The following CCDC62 variants were observed in gnomAD, a reference collection of about 807,000 sequenced individuals.
CCDC62 encodes the protein coiled-coil domain containing 62.
A neutral mutation model predicts 80.8 loss-of-function variants in CCDC62; 72 were observed. That is an observed-to-expected ratio of 0.89 (90% confidence interval 0.74 to 1.08). CCDC62 has a LOEUF of 1.08. CCDC62 is among the 50% of genes least tolerant of loss of function. The probability of loss-of-function intolerance (pLI) is 0.00; values close to 1 mark genes in which losing one functional copy is unlikely to be tolerated. For synonymous variants in CCDC62, 286 were observed against 296.5 expected (o/e 0.96, Z 0.36); for missense variants, 704 against 809.4 (o/e 0.87, Z 1.58).
chr12:122,817,139 C>G (rs965027525), intron 11 of CCDC62, among the ~76,000 whole-genome samples: 5 of 151,792 alleles, frequency 3.3e-5, no homozygotes, highest in African/African-American at 1.2e-4. Flanking sequence ...GCAAGCTCCA[C>G]CTTCCGGGTT....
intron 11 of CCDC62, among the ~76,000 whole-genome samples, chr12:122,819,381 C>T (rs1390196745): frequency 2.6e-5 from 4 of 152,174 alleles, no homozygotes; most frequent in Non-Finnish European, 4.4e-5. Context: ...CACTCTCCCA[C>T]GTTGCCAGGG....
At chr12:122,804,718 GT>G (rs900214045) in intron 9 of CCDC62, among the ~76,000 whole-genome samples, 48 of 148,296 alleles carry the variant, frequency 3.2e-4, no homozygotes, top group African/African-American at 1.0e-3. Context: ...ATTCCATGTT[GT>G]TTTTTTTTTC....
chr12:122,786,437 C>T (rs377017346), intron 4 of CCDC62, among the ~76,000 whole-genome samples: 28 of 147,746 alleles, frequency 1.9e-4, no homozygotes, highest in African/African-American at 6.5e-4. Flanking sequence ...CGTGAGCCAC[C>T]GCGCTCAGCC....
rs77214732 is a variant in CCDC62 at position 122,820,205 on chromosome 12, C to T, written c.2002-3161C>T. ...GGGATGAGGCAGAAGCGGGACTTCT[C>T]AGTTTATACCTGTTTTTATTATTTT... On this transcript the variant is annotated intron_variant, in intron 11 of 12. Coordinates refer to ENST00000253079, the MANE Select transcript of CCDC62 (RefSeq NM_201435.5). Among the ~76,000 whole-genome samples, 303 of 152,078 alleles carry T rather than the reference C, an allele frequency of 2.0e-3. 3 individuals carry two copies. Among genetic ancestry groups the T allele is most frequent in the African/African-American group, 7.2e-3 (299 of 41,518 alleles).
chr12:122,787,048 C>A (rs1195667435), intron 4 of CCDC62, among the ~76,000 whole-genome samples: 3 of 152,172 alleles, frequency 2.0e-5, no homozygotes, highest in Non-Finnish European at 4.4e-5. Context: ...GCTTCAACAA[C>A]CTCTCTGGTT....
At chr12:122,779,540 C>T (rs2135527147) in intron 2 of CCDC62, among the ~76,000 whole-genome samples, 1 of 152,302 alleles carries the variant, frequency 6.6e-6, no homozygotes, top group East Asian at 1.9e-4. Context: ...GGCGATGCCA[C>T]TGCCGCTGCT....
At chr12:122,789,389 G>A (rs935199470) in intron 5 of CCDC62, among the ~76,000 whole-genome samples, 2 of 152,210 alleles carry the variant, frequency 1.3e-5, no homozygotes, top group African/African-American at 4.8e-5. Flanking sequence ...TCTTCCCATG[G>A]TGAGGGCAGA....
rs146366007 is a variant in CCDC62, at chr12:122,818,539, G to A, written c.2002-4827G>A. ...CTTGGGAGGTTGAGGGGGGAGGATC[G>A]CTTGAGCATGAGGTCAAGGCTACAG... On this transcript the variant is annotated intron_variant, in intron 11 of 12. Coordinates refer to ENST00000253079, the MANE Select transcript of CCDC62 (RefSeq NM_201435.5). Among the ~76,000 whole-genome samples the A allele has an allele frequency of 4.2e-4, 64 of 151,850 alleles. 1 individual carries two copies. The East Asian group carries it at 8.3e-3, about 20-fold the overall frequency.
intron 9 of CCDC62, among the ~76,000 whole-genome samples, chr12:122,805,607 C>T (rs1396413597): frequency 1.1e-4 from 16 of 149,126 alleles, no homozygotes; most frequent in Non-Finnish European, 1.6e-4. Context: ...CTCTGCCTCC[C>T]GGGTTCACGC....
At chr12:122,809,360 C>T (rs559469079) in intron 10 of CCDC62, among the ~76,000 whole-genome samples, 7 of 152,102 alleles carry the variant, frequency 4.6e-5, no homozygotes, top group African/African-American at 7.2e-5. Context: ...TGTTGTAGCT[C>T]GTGCCTGTGG....
At chr12:122,820,840 CAAAA>C (rs35113362) in intron 11 of CCDC62, among the ~76,000 whole-genome samples, 32 of 129,760 alleles carry the variant, frequency 2.5e-4, no homozygotes, top group East Asian at 6.7e-4. Context: ...GACTCTGTCT[CAAAA>C]AAAAAAAAAA....
chr12:122,785,188 T>C (rs188023985), intron 3 of CCDC62, among the ~76,000 whole-genome samples: 2 of 152,314 alleles, frequency 1.3e-5, no homozygotes, highest in African/African-American at 2.4e-5. Flanking sequence ...AGTAAATAGA[T>C]TGTATACATA....
rs1566072717 is a variant in CCDC62 at position 122,788,988 on chromosome 12, A to G, written c.670+59A>G. ...TATTATCTTGGGAATATAGTTTTTC[A>G]TCTGGGTTCACTTAATCTTATGCTT... On this transcript the variant is annotated intron_variant, in intron 5 of 12. Transcript: ENST00000253079. The G allele has an allele frequency of 2.2e-6, 3 of 1,341,160 alleles. No homozygotes were observed. In the Admixed American group the frequency reaches 8.2e-5, roughly 37 times the overall value. The allele number at this position is 1,341,160 out of a possible 1,614,324, so 83.1% of individuals were successfully genotyped here.
chr12:122,780,530 C>T (rs1368970647), intron 2 of CCDC62, among the ~76,000 whole-genome samples: 4 of 151,502 alleles, frequency 2.6e-5, no homozygotes, highest in East Asian at 1.9e-4. Flanking sequence ...AGGAGAATGG[C>T]GTGAACCCAG....
At chr12:122,784,309 T>G (rs1221664491) in intron 3 of CCDC62, among the ~76,000 whole-genome samples, 1 of 151,054 alleles carries the variant, frequency 6.6e-6, no homozygotes, top group Non-Finnish European at 1.5e-5. Flanking sequence ...GATCACGAGG[T>G]CAGGAGTTCG....
At chr12:122,786,293 G>A (rs993832328) in intron 4 of CCDC62, among the ~76,000 whole-genome samples, 4 of 141,322 alleles carry the variant, frequency 2.8e-5, no homozygotes, top group East Asian at 4.2e-4. Flanking sequence ...GACTACAGGC[G>A]CCCGCCACCA....
At chr12:122,809,260 T>C (rs4426165) in intron 10 of CCDC62, among the ~76,000 whole-genome samples, 131,560 of 151,776 alleles carry the variant, frequency 0.87, 57,607 homozygotes, top group East Asian at 0.99. Flanking sequence ...GAGGCTGAGG[T>C]GGGCAGATCA....
intron 1 of CCDC62, among the ~76,000 whole-genome samples, chr12:122,775,093 C>CAA (rs36059141): frequency 0.033 from 1,934 of 58,300 alleles, 119 homozygotes; most frequent in Non-Finnish European, 0.043. Context: ...GACTCCGTCT[C>CAA]AAAAAAAAAA....
At chr12:122,776,649 C>T (rs180782047) in intron 1 of CCDC62, 1 of 152,048 alleles carries the variant, frequency 6.6e-6, no homozygotes, top group Non-Finnish European at 1.5e-5. Flanking sequence ...TATTAAATTG[C>T]CCTTAATAGA....
Sources: allele counts gnomAD v4.1 joint callset (sites outside exome capture counted in the v4.1 genomes callset), GRCh38; gene constraint gnomAD v4.1.1; transcripts MANE v1.5; gene names NCBI Gene and HGNC (gene_info 2026-07-23, HGNC 2026-07-21).